ADGRL2: variants seen among roughly 807,000 people sequenced by gnomAD.
ADGRL2 encodes calcium-independent alpha-latrotoxin receptor 2.
ADGRL2 carries 44 observed loss-of-function variants against 157.4 expected under a neutral mutation model. The ratio of observed to expected loss-of-function variants is 0.28; its 90% CI spans 0.22 to 0.36. The LOEUF is 0.36. Among genes scored for constraint, ADGRL2 ranks in the 10% least tolerant of loss-of-function variants. The pLI, the probability that ADGRL2 is intolerant of heterozygous loss-of-function variation, is 1.00. For synonymous variants in ADGRL2, 585 were observed against 624.7 expected (o/e 0.94, Z 0.95); for missense variants, 1,510 against 1,768.9 (o/e 0.85, Z 2.63).
chr1:81,619,467 T>C (rs2148704816), intron 3 of ADGRL2, among the ~76,000 whole-genome samples: 1 of 152,322 alleles, frequency 6.6e-6, no homozygotes, highest in Non-Finnish European at 1.5e-5. Context: ...TTAAGCCACC[T>C]TTCCTGTGTC....
intron 2 of ADGRL2, among the ~76,000 whole-genome samples, chr1:81,519,947 T>C (rs1311277177): frequency 6.6e-6 from 1 of 152,196 alleles, no homozygotes; most frequent in Non-Finnish European, 1.5e-5. Context: ...TTCTTGTCAA[T>C]AAGATTTAAG....
At chr1:81,668,402 G>A (rs1315689831) in intron 3 of ADGRL2, among the ~76,000 whole-genome samples, 1 of 142,098 alleles carries the variant, frequency 7.0e-6, no homozygotes, top group Middle Eastern at 3.3e-3. Context: ...CCTGGCGACA[G>A]AGTAACACTG....
intron 4 of ADGRL2, among the ~76,000 whole-genome samples, chr1:81,937,425 C>G (rs1301142990): frequency 1.3e-5 from 2 of 151,708 alleles, no homozygotes; most frequent in African/African-American, 4.8e-5. Flanking sequence ...TTTTAAGATC[C>G]TACAGATGGA....
intron 1 of ADGRL2, among the ~76,000 whole-genome samples, chr1:81,426,002 G>T (rs192380589): frequency 1.3e-5 from 2 of 152,050 alleles, no homozygotes; most frequent in Non-Finnish European, 2.9e-5. Context: ...AAGTAGCTGG[G>T]ACTACAGGCA....
chr1:81,626,267 C>G (rs2081906580), intron 3 of ADGRL2, among the ~76,000 whole-genome samples: 1 of 152,124 alleles, frequency 6.6e-6, no homozygotes, highest in African/African-American at 2.4e-5. Context: ...GTGTAGCTAC[C>G]AATCAGTGAA....
At chr1:81,409,615 T>C (rs2076915383) in intron 1 of ADGRL2, among the ~76,000 whole-genome samples, 1 of 152,198 alleles carries the variant, frequency 6.6e-6, no homozygotes, top group South Asian at 2.1e-4. Flanking sequence ...ACAATTACTG[T>C]TACTGATCAT....
At chr1:81,328,298 G>A (rs563643112) in intron 1 of ADGRL2, among the ~76,000 whole-genome samples, 2 of 152,188 alleles carry the variant, frequency 1.3e-5, no homozygotes, top group South Asian at 2.1e-4. Context: ...TCATTGGAGG[G>A]AAGAATTTTG....
At chr1:81,695,157 C>G (rs1205722899), upstream of ADGRL2, among the ~76,000 whole-genome samples, 1 of 152,046 alleles carries the variant, frequency 6.6e-6, no homozygotes, top group African/African-American at 2.4e-5. Context: ...GAAAATCTCT[C>G]ACAAGTGGGG....
chr1:81,790,854 C>T (rs1271073905), intron 2 of ADGRL2, among the ~76,000 whole-genome samples: 2 of 151,894 alleles, frequency 1.3e-5, no homozygotes, highest in Non-Finnish European at 1.5e-5. Flanking sequence ...TCTAGATACA[C>T]AAATGTGAGC....
intron 2 of ADGRL2, among the ~76,000 whole-genome samples, chr1:81,577,129 C>T (rs971586475): frequency 6.6e-6 from 1 of 152,164 alleles, no homozygotes; most frequent in Non-Finnish European, 1.5e-5. Flanking sequence ...TGATTTTCCT[C>T]TCTTTGGACT....
intron 3 of ADGRL2, among the ~76,000 whole-genome samples, chr1:81,677,409 T>A (rs946722745): frequency 6.6e-6 from 1 of 152,208 alleles, no homozygotes; most frequent in Non-Finnish European, 1.5e-5. Flanking sequence ...AACCACCTAT[T>A]GTTTATGTCA....
At position 81,561,079 on chromosome 1, in the gene ADGRL2, A is replaced by G. The variant is rs187863037; in HGVS notation, c.-247-19797A>G. On this transcript the variant is annotated intron_variant, in intron 2 of 24. Coordinates refer to the ADGRL2 transcript ENST00000370721. Reference sequence around the variant, plus strand: ...AGGTCATGTTCTCAGCTTAAGACCTACCATTACCTCCTCTCTAACACCATT... The same window carrying G: ...AGGTCATGTTCTCAGCTTAAGACCTGCCATTACCTCCTCTCTAACACCATT... Among the ~76,000 whole-genome samples the G allele has an allele frequency of 5.3e-5, 8 of 152,242 alleles. No homozygotes were observed. In the East Asian group the frequency reaches 1.6e-3, roughly 30 times the overall value.
chr1:81,459,889 A>G (rs2077890341), intron 2 of ADGRL2, among the ~76,000 whole-genome samples: 1 of 151,368 alleles, frequency 6.6e-6, no homozygotes, highest in Non-Finnish European at 1.5e-5. Context: ...TGGTGGCTCT[A>G]TTTTTAATTT....
chr1:81,680,929 T>C (rs1310097946), intron 3 of ADGRL2, among the ~76,000 whole-genome samples: 1 of 152,040 alleles, frequency 6.6e-6, no homozygotes, highest in African/African-American at 2.4e-5. Context: ...AGATCCTCCA[T>C]CCCCCAATGG....
chr1:81,471,648 T>G (rs1226446664), intron 2 of ADGRL2, among the ~76,000 whole-genome samples: 1 of 152,172 alleles, frequency 6.6e-6, no homozygotes, highest in East Asian at 1.9e-4. Flanking sequence ...ATAGAAACAG[T>G]TTTAAGCCTG....
intron 1 of ADGRL2, among the ~76,000 whole-genome samples, chr1:81,314,135 C>T (rs142637440): frequency 2.0e-5 from 3 of 152,246 alleles, no homozygotes; most frequent in African/African-American, 7.2e-5. Flanking sequence ...CATGAAAGTA[C>T]ATGCTTGTGC....
chr1:81,919,028 A>G (rs749464005), intron 3 of ADGRL2, among the ~76,000 whole-genome samples: 42 of 152,084 alleles, frequency 2.8e-4, no homozygotes, highest in Non-Finnish European at 4.9e-4. Flanking sequence ...TTTTTTATTT[A>G]TCAGGTGATA....
intron 2 of ADGRL2, among the ~76,000 whole-genome samples, chr1:81,793,056 A>T (rs1438664465): frequency 6.6e-6 from 1 of 152,088 alleles, no homozygotes; most frequent in Non-Finnish European, 1.5e-5. Context: ...TATTTATATA[A>T]CAAGACCTTA....
chr1:81,712,112 C>T (rs2149082462), intron 1 of ADGRL2, among the ~76,000 whole-genome samples: 1 of 152,146 alleles, frequency 6.6e-6, no homozygotes, highest in African/African-American at 2.4e-5. Flanking sequence ...AGTGTAAAGA[C>T]ATCTCAACCA....
Sources: gnomAD v4.1 joint callset for allele counts (sites outside exome capture counted in the v4.1 genomes callset) on GRCh38, gnomAD v4.1.1 for gene constraint, MANE v1.5 for transcripts, NCBI Gene and HGNC (gene_info 2026-07-23, HGNC 2026-07-21) for gene names.